CDYL2: variants seen among roughly 807,000 people sequenced by gnomAD.
CDYL2 encodes chromodomain Y like 2.
A neutral mutation model predicts 49.4 loss-of-function variants in CDYL2; 23 were observed. The ratio of observed to expected loss-of-function variants is 0.47; its 90% confidence interval spans 0.34 to 0.66. CDYL2 has a LOEUF of 0.66. Among genes scored for constraint, CDYL2 ranks in the 30% least tolerant of loss-of-function variants. CDYL2 has a pLI of 0.01. For synonymous variants in CDYL2, 360 were observed against 268.8 expected (o/e 1.34, Z -3.32); for missense variants, 678 against 656.4 (o/e 1.03, Z -0.36).
At chr16:80,788,675 G>C (rs1465770461) in intron 1 of CDYL2, among the ~76,000 whole-genome samples, 2 of 152,164 alleles carry the variant, frequency 1.3e-5, no homozygotes, top group Non-Finnish European at 1.5e-5. Context: ...AGGATGACTG[G>C]CTTAAATGTT....
At chr16:80,759,792 A>G (rs1350266902) in intron 1 of CDYL2, among the ~76,000 whole-genome samples, 1 of 152,210 alleles carries the variant, frequency 6.6e-6, no homozygotes, top group Non-Finnish European at 1.5e-5. Context: ...CTTCAAGCCT[A>G]AACACACTTG....
Position 80,601,747 on chromosome 16 carries a change from G to A in CDYL2, c.*2641C>T, listed in dbSNP as rs1167334424. On this transcript the variant is annotated 3_prime_UTR_variant, in exon 7 of 7. Coordinates refer to ENST00000570137, the MANE Select transcript of CDYL2 (RefSeq NM_152342.4). Reference sequence around the variant, plus strand: ...AGATTTCACCTGCTTTCACCCAATTGGTGGAACTGACTGTATGGAAACAAC... The same window carrying A: ...AGATTTCACCTGCTTTCACCCAATTAGTGGAACTGACTGTATGGAAACAAC... 1 of 152,064 alleles carries A rather than the reference G, an allele frequency of 6.6e-6. No individual in the cohort carries two copies. The highest frequency in any genetic ancestry group is 6.5e-5 in the Admixed American group (1 of 15,274). 9.4% of individuals were successfully genotyped at this position (152,064 alleles called of 1,614,324 possible). A position where few individuals can be genotyped will look rare whatever the true frequency, so the allele number is the denominator to read the frequency against.
At position 80,672,352 on chromosome 16, in the gene CDYL2, C is replaced by CACACACACACACAGAG. The variant is rs68130206; in HGVS notation, c.616+12185_616+12186insCTCTGTGTGTGTGTGT. Among the ~76,000 whole-genome samples, 1,087 of 117,750 alleles carry CACACACACACACAGAG rather than the reference C, an allele frequency of 9.2e-3. 6 individuals are homozygous for CACACACACACACAGAG. Among genetic ancestry groups the CACACACACACACAGAG allele is most frequent in the Non-Finnish European group, 0.015 (836 of 57,268 alleles). 77.2% of individuals were successfully genotyped at this position (117,750 alleles called of 152,430 possible). A position where few individuals can be genotyped will look rare whatever the true frequency, so the allele number is the denominator to read the frequency against. On this transcript the variant is annotated intron_variant, in intron 2 of 6. Transcript: ENST00000570137. ...ACACACACACACACACACACACACACAGAGAGAGAGAGAGAGATGAGTAGA... is the reference window on the plus strand; with the variant it reads ...ACACACACACACACACACACACACACACACACACACACAGAGAGAGAGAGAGAGAGAGATGAGTAGA...
chr16:80,785,945 C>G (rs1041912808), intron 1 of CDYL2, among the ~76,000 whole-genome samples: 1 of 152,102 alleles, frequency 6.6e-6, no homozygotes, highest in Non-Finnish European at 1.5e-5. Context: ...TTCCTTACAC[C>G]TTATACAAAA....
rs186378074 is a variant in CDYL2, at chr16:80,607,999, T to C, written c.1362+93A>G. On this transcript the variant is annotated intron_variant, in intron 6 of 6. Coordinates refer to ENST00000570137, the MANE Select transcript of CDYL2 (RefSeq NM_152342.4). ...TTTTGCTTATTCCCTGTGCGACCTC[T>C]AGCAAGTCAGTGAAGCCCTCTGAGC... The C allele has an allele frequency of 3.5e-5, 49 of 1,400,844 alleles. No homozygotes were observed. The African/African-American group carries it at 5.9e-4, about 17-fold the overall frequency. 86.8% of individuals were successfully genotyped at this position (1,400,844 alleles called of 1,614,324 possible).
chr16:80,607,080 A>T (rs936138917), intron 6 of CDYL2, among the ~76,000 whole-genome samples: 2 of 152,126 alleles, frequency 1.3e-5, no homozygotes, highest in South Asian at 4.2e-4. Flanking sequence ...CAAATTGGTG[A>T]CCCTAGTCAT....
chr16:80,720,165 ACAGAT>A (rs1904950558), intron 1 of CDYL2, among the ~76,000 whole-genome samples: 1 of 152,062 alleles, frequency 6.6e-6, no homozygotes, highest in Non-Finnish European at 1.5e-5. Context: ...CAATATCCAC[ACAGAT>A]CCAGGAGGGG....
At chr16:80,750,918 G>A (rs1379479976) in intron 1 of CDYL2, among the ~76,000 whole-genome samples, 2 of 152,120 alleles carry the variant, frequency 1.3e-5, no homozygotes, top group African/African-American at 4.8e-5. Flanking sequence ...TACTGGGGAG[G>A]CTGAGGCAGG....
intron 3 of CDYL2, among the ~76,000 whole-genome samples, chr16:80,630,248 G>C (rs769907763): frequency 1.1e-4 from 16 of 152,176 alleles, no homozygotes; most frequent in Non-Finnish European, 2.9e-5. Context: ...ACACTGATTA[G>C]GGCAGGAACC....
At chr16:80,708,573 A>G (rs1401287243) in intron 1 of CDYL2, among the ~76,000 whole-genome samples, 1 of 152,196 alleles carries the variant, frequency 6.6e-6, no homozygotes, top group African/African-American at 2.4e-5. Context: ...CCTATTAAGA[A>G]GCCAACCCCA....
chr16:80,703,167 T>C (rs1904312705), intron 1 of CDYL2, among the ~76,000 whole-genome samples: 1 of 152,218 alleles, frequency 6.6e-6, no homozygotes, highest in South Asian at 2.1e-4. Flanking sequence ...GGTGGAGATG[T>C]TAACAAGAAT....
At chr16:80,633,574 C>G (rs957623823) in intron 2 of CDYL2, among the ~76,000 whole-genome samples, 36 of 152,206 alleles carry the variant, frequency 2.4e-4, no homozygotes, top group African/African-American at 7.7e-4. Flanking sequence ...TGGTGGATGC[C>G]TATGAATCAT....
chr16:80,683,167 C>T (rs781653619), intron 2 of CDYL2, among the ~76,000 whole-genome samples: 7 of 152,224 alleles, frequency 4.6e-5, no homozygotes, highest in Admixed American at 4.6e-4. Context: ...TCCAAGCATC[C>T]CGGTCTCCAC....
intron 1 of CDYL2, among the ~76,000 whole-genome samples, chr16:80,732,955 G>A (rs1173181708): frequency 6.6e-6 from 1 of 152,068 alleles, no homozygotes; most frequent in Non-Finnish European, 1.5e-5. Flanking sequence ...ATTGTGTCGT[G>A]AAGTATCATT....
chr16:80,735,916 C>A (rs1905506339), intron 1 of CDYL2, among the ~76,000 whole-genome samples: 1 of 152,234 alleles, frequency 6.6e-6, no homozygotes, highest in South Asian at 2.1e-4. Flanking sequence ...CAGGGCAAGG[C>A]AGGCACTTAG....
Position 80,684,900 on chromosome 16 carries a change from G to A in CDYL2, c.254C>T (p.Ser85Leu), listed in dbSNP as rs139107743. 5.6e-4 allele frequency: 906 copies of A among 1,614,120 alleles called. No individual in the cohort carries two copies. The highest frequency in any genetic ancestry group is 9.9e-4 in the South Asian group (90 of 91,072). ...SKLLRDSRGPSVEKLSHRPSD... is the reference protein window; with the variant it reads ...SKLLRDSRGPLVEKLSHRPSD... ...AGGTCTGTGGGACAGTTTCTCAACCGACGGGCCTCGACTGTCACGCAGCAG... is the reference window on the plus strand; with the variant it reads ...AGGTCTGTGGGACAGTTTCTCAACCAACGGGCCTCGACTGTCACGCAGCAG... Residue 85 changes from serine to leucine, a missense_variant, in exon 2 of 7, where the codon TCG (serine) becomes TTG (leucine). Transcript: ENST00000570137.
At chr16:80,640,368 C>T (rs1446929200) in intron 2 of CDYL2, among the ~76,000 whole-genome samples, 2 of 152,256 alleles carry the variant, frequency 1.3e-5, no homozygotes, top group Non-Finnish European at 2.9e-5. Flanking sequence ...AGGATCCCAT[C>T]TTGGAAGGAT....
chr16:80,611,262 G>A (rs1427048509), intron 5 of CDYL2, among the ~76,000 whole-genome samples: 1 of 152,186 alleles, frequency 6.6e-6, no homozygotes, highest in Admixed American at 6.5e-5. Context: ...GCACTTAGTG[G>A]ATTTGCAGTA....
chr16:80,719,141 G>A (rs1026559726), intron 1 of CDYL2, among the ~76,000 whole-genome samples: 1 of 152,104 alleles, frequency 6.6e-6, no homozygotes, highest in Non-Finnish European at 1.5e-5. Flanking sequence ...CCAATGCAAA[G>A]CCCTAGAGAT....
Sources: allele counts gnomAD v4.1 joint callset (sites outside exome capture counted in the v4.1 genomes callset), GRCh38; gene constraint gnomAD v4.1.1; transcripts MANE v1.5; gene names NCBI Gene and HGNC (gene_info 2026-07-23, HGNC 2026-07-21).